The following NUGGC variants were observed in gnomAD, a reference collection of about 807,000 sequenced individuals.
The protein encoded by NUGGC is nuclear GTPase, germinal center associated.
Under a neutral mutation model 92.6 loss-of-function variants are expected in NUGGC, and 58 were observed. The ratio of observed to expected loss-of-function variants is 0.63; its 90% CI spans 0.51 to 0.78. The LOEUF (loss-of-function observed/expected upper bound fraction) is 0.78. NUGGC is among the 30% of genes least tolerant of loss of function. The pLI is 0.00. For synonymous variants in NUGGC, 376 were observed against 366.4 expected, an observed-to-expected ratio of 1.03 and a Z score of -0.30; for missense variants, 925 against 964.6, an observed-to-expected ratio of 0.96 and a Z score of 0.54.
chr8:28,052,361 C>T (rs1810028713), intron 10 of NUGGC, among the ~76,000 whole-genome samples: 1 of 152,168 alleles, frequency 6.6e-6, no homozygotes, highest in South Asian at 2.1e-4. Flanking sequence ...TGTTGAGGTC[C>T]TAATCTCCAC....
chr8:28,052,819 G>A (rs376626110), intron 10 of NUGGC, among the ~76,000 whole-genome samples: 1 of 152,088 alleles, frequency 6.6e-6, no homozygotes, highest in South Asian at 2.1e-4. Flanking sequence ...CATTTAATAT[G>A]TCTTTTAAAA....
intron 12 of NUGGC, among the ~76,000 whole-genome samples, chr8:28,044,003 G>T (rs545498437): frequency 1.2e-3 from 182 of 152,192 alleles, no homozygotes; most frequent in African/African-American, 4.3e-3. Flanking sequence ...TGCTCTATAT[G>T]CCCCTTTTAT....
In NUGGC at chr8:28,045,531, A is replaced by T; in HGVS notation, c.1442T>A (p.Leu481Gln). 1.2e-6 allele frequency: 2 copies of T among 1,611,952 alleles called. No homozygotes were observed. The highest frequency in any genetic ancestry group is 1.7e-6 in the Non-Finnish European group (2 of 1,179,554). ...AAAACCCAGTGTCTTCCATACCGGCAGGTTTTGCGTGGAGTTGAAACTATC... is the reference window on the plus strand; with the variant it reads ...AAAACCCAGTGTCTTCCATACCGGCTGGTTTTGCGTGGAGTTGAAACTATC... ...LTDSFNSTQN[L>Q]PNEHLHMSVL... is the part of the protein sequence containing the mutation. Residue 481 changes from leucine (L) to glutamine (Q), a missense_variant, in exon 12 of 19, where the codon CTG becomes CAG. By Grantham distance (113) the Leu-to-Gln change is moderately radical. Coordinates refer to ENST00000413272, the MANE Select transcript of NUGGC (RefSeq NM_001010906.2).
chr8:28,047,262 G>A (rs1027563874), intron 11 of NUGGC, among the ~76,000 whole-genome samples: 2 of 152,050 alleles, frequency 1.3e-5, no homozygotes, highest in East Asian at 1.9e-4. Context: ...GAGCCACTGC[G>A]CCCAGCAACC....
intron 10 of NUGGC, among the ~76,000 whole-genome samples, chr8:28,051,485 T>C (rs923403253): frequency 2.0e-5 from 3 of 152,220 alleles, no homozygotes; most frequent in East Asian, 1.9e-4. Context: ...TAAATTCCAC[T>C]TGGGCAAGTC....
rs115038275 is a variant in NUGGC at position 28,026,900 on chromosome 8, G to C, written c.2245+62C>G. 3.0e-3 allele frequency: 3,322 copies of C among 1,114,558 alleles called. 66 individuals are homozygous for C. In the African/African-American group the frequency reaches 0.042, roughly 14 times the overall value. The allele number at this position is 1,114,558 out of a possible 1,614,324, so 69.0% of individuals were successfully genotyped here. On this transcript the variant is annotated intron_variant, in intron 18 of 18. Coordinates refer to ENST00000413272, the MANE Select transcript of NUGGC (RefSeq NM_001010906.2). ...GTTTAATACCTTTAAATTCAGGAAG[G>C]AGTAACCACAGCCAGGGCTGTCTGC...
chr8:28,078,262 C>A (rs546991172), intron 1 of NUGGC, among the ~76,000 whole-genome samples: 11 of 152,124 alleles, frequency 7.2e-5, no homozygotes, highest in Non-Finnish European at 1.5e-4. Flanking sequence ...TGTTCAAAGA[C>A]TGGCAGGAAG....
chr8:28,050,383 TA>T (rs11393304), intron 10 of NUGGC, among the ~76,000 whole-genome samples: 3 of 145,610 alleles, frequency 2.1e-5, no homozygotes, highest in Admixed American at 6.8e-5. Context: ...AAAACTCTGT[TA>T]AAAAAAAAGA....
chr8:28,039,983 G>A (rs1809651668), intron 13 of NUGGC, among the ~76,000 whole-genome samples: 1 of 152,190 alleles, frequency 6.6e-6, no homozygotes, highest in Non-Finnish European at 1.5e-5. Flanking sequence ...AGAGATCCCA[G>A]GAGTGTGCGT....
At chr8:28,081,615 A>T (rs1291422078) in intron 1 of NUGGC, among the ~76,000 whole-genome samples, 1 of 152,168 alleles carries the variant, frequency 6.6e-6, no homozygotes, top group East Asian at 1.9e-4. Context: ...GCAGTGGATC[A>T]CACCTGTAAT....
chr8:28,071,415 G>A (rs1810587131), intron 2 of NUGGC, among the ~76,000 whole-genome samples: 1 of 152,154 alleles, frequency 6.6e-6, no homozygotes, highest in South Asian at 2.1e-4. Flanking sequence ...TGGAAAATGA[G>A]AGAACTGACA....
At chr8:28,076,498 T>C (rs567088285) in intron 1 of NUGGC, among the ~76,000 whole-genome samples, 13 of 152,230 alleles carry the variant, frequency 8.5e-5, no homozygotes, top group Non-Finnish European at 1.6e-4. Context: ...GGTTTCACCA[T>C]GTTGGCCAGG....
In NUGGC at chr8:28,079,164, G is replaced by GT. The variant is rs1029551484; in HGVS notation, c.-47+4610dup. 5.3e-5 allele frequency among the ~76,000 whole-genome samples: 8 copies of GT among 151,920 alleles called. 1 individual carries two copies. The South Asian group carries it at 1.0e-3, about 20-fold the overall frequency. The stretch of plus-strand genomic sequence containing the variant: ...TTTCTTCTGTTTGTGTTTGCTTATT[G>GT]TTTTTTTTCTTACAGGAAAATCACA... On this transcript the variant is annotated intron_variant, in intron 1 of 18. Coordinates refer to ENST00000413272, the MANE Select transcript of NUGGC (RefSeq NM_001010906.2).
chr8:28,077,083 T>G (rs1810740851), intron 1 of NUGGC, among the ~76,000 whole-genome samples: 1 of 152,180 alleles, frequency 6.6e-6, no homozygotes, highest in Non-Finnish European at 1.5e-5. Context: ...CTTGAAATTT[T>G]CACCAAGAAA....
At chr8:28,050,268 C>G (rs184040735) in intron 10 of NUGGC, among the ~76,000 whole-genome samples, 1,752 of 152,034 alleles carry the variant, frequency 0.012, 10 homozygotes, top group Non-Finnish European at 0.016. Context: ...GCCTGTAATC[C>G]CAGCTACTCG....
At chr8:28,064,845 C>T (rs1236806928) in intron 6 of NUGGC, 114 bp from the exon 7 acceptor site, 18 of 820,562 alleles carry the variant, frequency 2.2e-5, no homozygotes, top group Non-Finnish European at 3.3e-5. Flanking sequence ...AGAAGTGCGT[C>T]CAACAGGAGG....
At chr8:28,032,212 C>T (rs747403698) in intron 14 of NUGGC, among the ~76,000 whole-genome samples, 2 of 151,248 alleles carry the variant, frequency 1.3e-5, no homozygotes, top group African/African-American at 2.4e-5. Context: ...GTAAACAGGG[C>T]GGGGGTGCAA....
chr8:28,057,330 C>CTTTTTTTT (rs57167648), intron 9 of NUGGC, among the ~76,000 whole-genome samples: 151 of 123,908 alleles, frequency 1.2e-3, no homozygotes, highest in Middle Eastern at 4.6e-3. Flanking sequence ...ATTTTCTTTC[C>CTTTTTTTT]TTTTTTTTTT....
At chr8:28,066,216 C>T (rs1479976970) in intron 6 of NUGGC, among the ~76,000 whole-genome samples, 2 of 152,184 alleles carry the variant, frequency 1.3e-5, no homozygotes, top group Non-Finnish European at 2.9e-5. Flanking sequence ...TAGACATGCT[C>T]AGTCTATGTT....
Sources: gnomAD v4.1 joint callset for allele counts (sites outside exome capture counted in the v4.1 genomes callset) on GRCh38, gnomAD v4.1.1 for gene constraint, MANE v1.5 for transcripts, NCBI Gene and HGNC (gene_info 2026-07-23, HGNC 2026-07-21) for gene names.